The following TMTC1 variants were observed in gnomAD, a reference collection of about 807,000 sequenced individuals.
The protein encoded by TMTC1 is protein O-mannosyl-transferase TMTC1.
In TMTC1, 73 loss-of-function variants were observed where a neutral mutation model predicts 104.8. That is an observed-to-expected ratio of 0.70 (90% CI 0.58 to 0.85). TMTC1 has a LOEUF of 0.85. Among genes scored for constraint, TMTC1 ranks in the 40% least tolerant of loss-of-function variants. The pLI is 0.00. For synonymous variants in TMTC1, 434 were observed against 428.7 expected (o/e 1.01, Z -0.15); for missense variants, 1,035 against 1,096.1 (o/e 0.94, Z 0.79).
chr12:29,572,967 C>A (rs1008037968), intron 8 of TMTC1, among the ~76,000 whole-genome samples: 1 of 152,232 alleles, frequency 6.6e-6, no homozygotes, highest in African/African-American at 2.4e-5. Context: ...GCAGTGTCCT[C>A]TATTCTCTGT....
At chr12:29,563,755 C>T (rs187900278) in intron 9 of TMTC1, among the ~76,000 whole-genome samples, 252 of 152,270 alleles carry the variant, frequency 1.7e-3, no homozygotes, top group Middle Eastern at 3.4e-3. Context: ...GTATAAAGCA[C>T]GTACAATGTG....
chr12:29,587,394 T>G (rs780087078), intron 7 of TMTC1, among the ~76,000 whole-genome samples: 10 of 152,080 alleles, frequency 6.6e-5, no homozygotes, highest in Admixed American at 2.0e-4. Flanking sequence ...ACTGTAGTGG[T>G]ATGATCATGG....
rs990874344 is a variant in TMTC1 at position 29,632,983 on chromosome 12, A to G, written c.1128+164T>C. ...CAGGGTTAGTAGAAACAGTCAAAAA[A>G]TCTATAAGGTGGCCATGGTATGTTA... On this transcript the variant is annotated intron_variant, in intron 6 of 17. Transcript: ENST00000539277. Among the ~76,000 whole-genome samples the G allele has an allele frequency of 4.6e-5, 7 of 152,296 alleles. No homozygotes were observed. The Middle Eastern group carries it at 0.01, about 222-fold the overall frequency.
At chr12:29,659,891 G>A (rs1467318814) in intron 5 of TMTC1, 27 of 1,534,950 alleles carry the variant, frequency 1.8e-5, no homozygotes, top group Non-Finnish European at 2.2e-5. Flanking sequence ...TCGTAAGAAT[G>A]TAAGGCGAAA....
chr12:29,691,078 C>T (rs1941252183), intron 5 of TMTC1, among the ~76,000 whole-genome samples: 1 of 152,192 alleles, frequency 6.6e-6, no homozygotes, highest in Non-Finnish European at 1.5e-5. Context: ...ACCAGTCTGC[C>T]TTTGTAGGAC....
intron 5 of TMTC1, among the ~76,000 whole-genome samples, chr12:29,643,831 A>T (rs1481440707): frequency 2.9e-5 from 2 of 70,030 alleles, no homozygotes; most frequent in South Asian, 3.9e-4. Context: ...TTATATATTT[A>T]TATATATTTA....
intron 8 of TMTC1, among the ~76,000 whole-genome samples, chr12:29,580,921 C>T (rs1945962714): frequency 1.3e-5 from 2 of 152,202 alleles, no homozygotes; most frequent in Non-Finnish European, 2.9e-5. Flanking sequence ...CATCCTAGAA[C>T]ACACTGCACA....
chr12:29,567,877 A>G (rs1255898072), intron 9 of TMTC1, among the ~76,000 whole-genome samples: 1 of 152,268 alleles, frequency 6.6e-6, no homozygotes, highest in Non-Finnish European at 1.5e-5. Context: ...AAAAGGAATT[A>G]TAATAAAGTA....
intron 1 of TMTC1, among the ~76,000 whole-genome samples, chr12:29,776,451 G>A (rs1490281633): frequency 6.6e-6 from 1 of 152,088 alleles, no homozygotes; most frequent in Non-Finnish European, 1.5e-5. Flanking sequence ...TAGTGAAAAA[G>A]TAAACCAAGC....
chr12:29,647,769 GA>G (rs1417100242), intron 5 of TMTC1, among the ~76,000 whole-genome samples: 5 of 152,142 alleles, frequency 3.3e-5, no homozygotes, highest in Admixed American at 6.5e-5. Context: ...CAAATCTCAT[GA>G]AAAAATATGA....
chr12:29,518,792 T>C (rs753139825), intron 12 of TMTC1, among the ~76,000 whole-genome samples, 185 bp from the exon 13 acceptor site: 8 of 152,236 alleles, frequency 5.3e-5, no homozygotes, highest in Non-Finnish European at 8.8e-5. Flanking sequence ...TTGAACAATT[T>C]CACTGTTCAT....
At chr12:29,633,440 T>C (rs915420061) in intron 5 of TMTC1, 104 bp from the exon 6 acceptor site, 4 of 947,634 alleles carry the variant, frequency 4.2e-6, no homozygotes, top group Admixed American at 2.9e-5. Flanking sequence ...ACCCAGTCAA[T>C]GTTATCTTGG....
intron 7 of TMTC1, 40 bp from the exon 8 acceptor site, chr12:29,583,614 T>C (rs751337221): frequency 1.3e-6 from 2 of 1,569,412 alleles, no homozygotes; most frequent in South Asian, 2.3e-5. Flanking sequence ...ACTTTGGGGG[T>C]GCAATAGCTT....
intron 9 of TMTC1, among the ~76,000 whole-genome samples, chr12:29,557,514 G>A (rs558353345): frequency 8.5e-5 from 13 of 152,212 alleles, no homozygotes; most frequent in African/African-American, 3.1e-4. Context: ...GCAGTGGCAC[G>A]ATCTTGGCTC....
chr12:29,770,804 G>A (rs111809270), intron 1 of TMTC1, among the ~76,000 whole-genome samples: 4 of 152,094 alleles, frequency 2.6e-5, no homozygotes, highest in Non-Finnish European at 4.4e-5. Context: ...AAATGCTAAC[G>A]AAAGCTTCTA....
At chr12:29,542,738 G>A (rs1424124390) in intron 10 of TMTC1, among the ~76,000 whole-genome samples, 1 of 151,752 alleles carries the variant, frequency 6.6e-6, no homozygotes, top group Non-Finnish European at 1.5e-5. Flanking sequence ...GACTTCCCTG[G>A]GACAATCTGA....
intron 1 of TMTC1, among the ~76,000 whole-genome samples, chr12:29,770,663 T>TA (rs1943574613): frequency 1.3e-5 from 2 of 152,158 alleles, no homozygotes; most frequent in Non-Finnish European, 2.9e-5. Context: ...GAAAGTCCCT[T>TA]ACCTGGAACC....
chr12:29,608,855 C>T (rs1311992899), intron 6 of TMTC1, among the ~76,000 whole-genome samples: 3 of 152,138 alleles, frequency 2.0e-5, no homozygotes, highest in Admixed American at 2.0e-4. Flanking sequence ...AAATCCAGCT[C>T]CTGAAACCGT....
At chr12:29,747,149 T>C (rs1194845279) in intron 5 of TMTC1, among the ~76,000 whole-genome samples, 1 of 152,232 alleles carries the variant, frequency 6.6e-6, no homozygotes, top group Non-Finnish European at 1.5e-5. Flanking sequence ...TATAGGTGTG[T>C]ATATACTTGA....
Sources: gnomAD v4.1 joint callset for allele counts (sites outside exome capture counted in the v4.1 genomes callset) on GRCh38, gnomAD v4.1.1 for gene constraint, MANE v1.5 for transcripts, NCBI Gene and HGNC (gene_info 2026-07-23, HGNC 2026-07-21) for gene names.